Variants in MAML2 observed in about 807,000 individuals in gnomAD.
MAML2 encodes the protein mastermind-like protein 2.
In MAML2, 22 loss-of-function variants were observed where a neutral mutation model predicts 96.1. The observed-to-expected ratio is 0.23, with a 90% CI of 0.16 to 0.33. The LOEUF is 0.33. Ranked by LOEUF, MAML2 falls within the 10% of genes least tolerant of loss-of-function variation. The pLI is 1.00. For missense variants in MAML2, 1,367 were observed against 1,392.4 expected (o/e 0.98, Z 0.29); for synonymous variants, 561 against 521.3 (o/e 1.08, Z -1.04).
At chr11:96,282,109 C>T (rs970470824) in intron 1 of MAML2, among the ~76,000 whole-genome samples, 1 of 151,698 alleles carries the variant, frequency 6.6e-6, no homozygotes, top group South Asian at 2.1e-4. Flanking sequence ...ATTAGCTGGG[C>T]GTGGTGGCGG....
At chr11:96,160,816 G>A (rs934442406) in intron 1 of MAML2, among the ~76,000 whole-genome samples, 1 of 152,210 alleles carries the variant, frequency 6.6e-6, no homozygotes, top group Non-Finnish European at 1.5e-5. Context: ...TAGAATCTAT[G>A]TAGCCCTGTG....
intron 1 of MAML2, among the ~76,000 whole-genome samples, chr11:96,143,954 C>T (rs193046590): frequency 1.6e-4 from 25 of 152,300 alleles, no homozygotes; most frequent in Non-Finnish European, 2.8e-4. Flanking sequence ...CACCTCACTG[C>T]AGTGTTTGAA....
At chr11:96,003,474 G>A (rs1426760254) in intron 2 of MAML2, among the ~76,000 whole-genome samples, 1 of 151,912 alleles carries the variant, frequency 6.6e-6, no homozygotes, top group Non-Finnish European at 1.5e-5. Context: ...TACTTTAAAG[G>A]CGATTGAGCT....
intron 1 of MAML2, among the ~76,000 whole-genome samples, chr11:96,293,961 G>C (rs187475745): frequency 6.6e-6 from 1 of 152,188 alleles, no homozygotes; most frequent in Non-Finnish European, 1.5e-5. Flanking sequence ...TGGCTGTTCA[G>C]GCCAGAGCTG....
chr11:96,299,060 A>ATATATATATATATAT (rs1555037072), intron 1 of MAML2, among the ~76,000 whole-genome samples: 35 of 56,316 alleles, frequency 6.2e-4, no homozygotes, highest in Non-Finnish European at 8.2e-4. Context: ...AAAAAAAAAA[A>ATATATATATATATAT]ATATATATAT....
In MAML2 at chr11:95,979,348, A is replaced by G. The variant is rs769035510; in HGVS notation, c.3071T>C (p.Val1024Ala). The stretch of plus-strand genomic sequence containing the variant: ...CATTTGGTTCATGGGTCTCATTTGC[A>G]CTGCTGGTGTTAACTGGTTAGGAGG... ...VAPPNQLTPA[V>A]QMRPMNQMSQ... The change falls in exon 5 of 5, where the codon GTG becomes GCG. Residue 1024 changes from valine (V) to alanine (A), a missense_variant. Coordinates refer to ENST00000524717, the MANE Select transcript of MAML2 (RefSeq NM_032427.4). 1 of 1,613,818 alleles carries G rather than the reference A, an allele frequency of 6.2e-7. No homozygotes were observed. The highest frequency in any genetic ancestry group is 2.2e-5 in the East Asian group (1 of 44,870).
intron 1 of MAML2, among the ~76,000 whole-genome samples, chr11:96,239,482 T>C (rs1302637444): frequency 6.6e-6 from 1 of 152,236 alleles, no homozygotes; most frequent in East Asian, 1.9e-4. Flanking sequence ...TGTTCAGAGT[T>C]TGAGTTGTCC....
At chr11:96,015,695 A>C (rs1858339486) in intron 2 of MAML2, among the ~76,000 whole-genome samples, 1 of 151,890 alleles carries the variant, frequency 6.6e-6, no homozygotes, top group South Asian at 2.1e-4. Context: ...AAAATAAGTG[A>C]ATTGTCTGCA....
At chr11:96,139,974 G>T (rs1297395108) in intron 1 of MAML2, among the ~76,000 whole-genome samples, 1 of 152,186 alleles carries the variant, frequency 6.6e-6, no homozygotes, top group African/African-American at 2.4e-5. Context: ...TAAGGAAGCT[G>T]CAGAAAATGA....
At position 96,207,687 on chromosome 11, in the gene MAML2, C is replaced by T. The variant is rs549442; in HGVS notation, c.514-114170G>A. Among the ~76,000 whole-genome samples the T allele has an allele frequency of 5.5e-3, 845 of 152,340 alleles. 9 individuals are homozygous for T. Among genetic ancestry groups the T allele is most frequent in the African/African-American group, 0.019 (788 of 41,566 alleles). On this transcript the variant is annotated intron_variant, in intron 1 of 4. Coordinates refer to ENST00000524717, the MANE Select transcript of MAML2 (RefSeq NM_032427.4). Reference sequence around the variant, plus strand: ...TAACTGCTGTCCCTTAAAAATTGTCCAGGCAGTATATGCATGGCTGTGAGT... The same window carrying T: ...TAACTGCTGTCCCTTAAAAATTGTCTAGGCAGTATATGCATGGCTGTGAGT...
At position 96,053,958 on chromosome 11, in the gene MAML2, G is replaced by A. The variant is rs373884534; in HGVS notation, c.2139+37934C>T. Among the ~76,000 whole-genome samples, 15 of 152,086 alleles carry A rather than the reference G, an allele frequency of 9.9e-5. No individual in the cohort carries two copies. The South Asian group carries it at 1.9e-3, about 19-fold the overall frequency. On this transcript the variant is annotated intron_variant, in intron 2 of 4. Coordinates refer to ENST00000524717, the MANE Select transcript of MAML2 (RefSeq NM_032427.4). The stretch of plus-strand genomic sequence containing the variant: ...AAATGGAGCTGACAACTTGGGTGCC[G>A]CCATTTTGAGAGCTCTTCATGTAAG...
At chr11:96,064,806 G>C (rs1590989948) in intron 2 of MAML2, among the ~76,000 whole-genome samples, 1 of 152,268 alleles carries the variant, frequency 6.6e-6, no homozygotes, top group East Asian at 1.9e-4. Context: ...ACAGTGCCTA[G>C]CACAAAATAA....
intron 1 of MAML2, among the ~76,000 whole-genome samples, chr11:96,136,866 C>T (rs962323955): frequency 2.6e-4 from 39 of 152,182 alleles, no homozygotes; most frequent in African/African-American, 8.4e-4. Flanking sequence ...ATAGGATGAA[C>T]ATTAAAATAA....
At chr11:96,247,900 T>C (rs1862531998) in intron 1 of MAML2, among the ~76,000 whole-genome samples, 1 of 152,146 alleles carries the variant, frequency 6.6e-6, no homozygotes, top group South Asian at 2.1e-4. Flanking sequence ...TTAACTGATA[T>C]GTATACCCAC....
chr11:96,309,863 C>G (rs1390206700), intron 1 of MAML2, among the ~76,000 whole-genome samples: 3 of 151,916 alleles, frequency 2.0e-5, no homozygotes, highest in Non-Finnish European at 4.4e-5. Flanking sequence ...CCACGCCCAG[C>G]TAATTTATAC....
At chr11:96,166,148 CTG>C (rs764332550) in intron 1 of MAML2, among the ~76,000 whole-genome samples, 88 of 109,352 alleles carry the variant, frequency 8.0e-4, no homozygotes, top group African/African-American at 2.6e-3. Context: ...CTCTCTCTCT[CTG>C]TCTGTCTCTC....
intron 2 of MAML2, among the ~76,000 whole-genome samples, chr11:96,063,082 T>C (rs1859192354): frequency 1.2e-5 from 1 of 82,468 alleles, no homozygotes; most frequent in African/African-American, 4.9e-5. Context: ...TCTGTCCACC[T>C]CTCTGGCACT....
chr11:96,305,811 G>A (rs974935524), intron 1 of MAML2, among the ~76,000 whole-genome samples: 1 of 152,122 alleles, frequency 6.6e-6, no homozygotes, highest in African/African-American at 2.4e-5. Context: ...CTGTCTCTAT[G>A]CAAAATATGT....
At chr11:96,189,649 C>T (rs185888428) in intron 1 of MAML2, among the ~76,000 whole-genome samples, 17 of 152,334 alleles carry the variant, frequency 1.1e-4, no homozygotes, top group Non-Finnish European at 2.1e-4. Flanking sequence ...TGTGGACATA[C>T]AACATAAGCT....
Sources: gnomAD v4.1 joint callset for allele counts (sites outside exome capture counted in the v4.1 genomes callset) on GRCh38, gnomAD v4.1.1 for gene constraint, MANE v1.5 for transcripts, NCBI Gene and HGNC (gene_info 2026-07-23, HGNC 2026-07-21) for gene names.